The following DZIP3 variants were observed in gnomAD, a reference collection of about 807,000 sequenced individuals.
DZIP3 encodes E3 ubiquitin-protein ligase DZIP3.
DZIP3 carries 118 observed loss-of-function variants against 162.0 expected under a neutral mutation model. That is an observed-to-expected ratio of 0.73 (90% confidence interval 0.63 to 0.85). The LOEUF is 0.85. DZIP3 is among the 40% of genes least tolerant of loss of function. The pLI, the probability that DZIP3 is intolerant of heterozygous loss-of-function variation, is 0.00. For missense variants in DZIP3, 1,331 were observed against 1,407.0 expected, an observed-to-expected ratio of 0.95 and a Z score of 0.86; for synonymous variants, 438 against 458.6, an observed-to-expected ratio of 0.96 and a Z score of 0.57.
intron 1 of DZIP3, among the ~76,000 whole-genome samples, chr3:108,598,243 T>C (rs1417215418): frequency 2.0e-5 from 3 of 152,128 alleles, no homozygotes; most frequent in Admixed American, 6.6e-5. Context: ...AGAATTGCAG[T>C]TGGTAAAATT....
At chr3:108,643,691 A>T (rs574798234) in intron 13 of DZIP3, among the ~76,000 whole-genome samples, 1 of 151,996 alleles carries the variant, frequency 6.6e-6, no homozygotes, top group South Asian at 2.1e-4. Flanking sequence ...TAGTCACCCA[A>T]ACCGCATTTC....
At chr3:108,659,930 AG>A (rs1943341041) in intron 19 of DZIP3, among the ~76,000 whole-genome samples, 1 of 152,050 alleles carries the variant, frequency 6.6e-6, no homozygotes, top group South Asian at 2.1e-4. Flanking sequence ...CCAACTTACA[AG>A]GGATGTGAAG....
chr3:108,589,668 AGAAATCTC>A (rs1457895723), upstream of DZIP3: 1 of 287,578 alleles, frequency 3.5e-6, no homozygotes, highest in Non-Finnish European at 6.6e-6. Flanking sequence ...CGTGAAGGCG[AGAAATCTC>A]GCGATTTCTC....
At position 108,624,428 on chromosome 3, in the gene DZIP3, AT is replaced by A. The variant is rs752693091; in HGVS notation, c.376-9del. On this transcript the variant is annotated splice_polypyrimidine_tract_variant and intron_variant, in intron 5 of 32. Coordinates refer to ENST00000361582, the MANE Select transcript of DZIP3 (RefSeq NM_014648.4). ...CTTAGTCTAAATAACCAATTAACAT[AT>A]TTTTTTCTTTGTAGGCACACCAGAT... 1.2e-5 allele frequency: 17 copies of A among 1,468,126 alleles called. No homozygotes were observed. In the South Asian group the frequency reaches 1.5e-4, roughly 13 times the overall value. The allele number at this position is 1,468,126 out of a possible 1,614,324, so 90.9% of individuals were successfully genotyped here.
At chr3:108,655,509 G>C (rs1943066972) in intron 19 of DZIP3, among the ~76,000 whole-genome samples, 1 of 152,102 alleles carries the variant, frequency 6.6e-6, no homozygotes, top group South Asian at 2.1e-4. Flanking sequence ...GAAATGGTAA[G>C]TGGGGGGTGG....
chr3:108,688,483 A>T (rs968277572), intron 29 of DZIP3, 110 bp from the exon 30 acceptor site: 3 of 1,222,626 alleles, frequency 2.5e-6, no homozygotes, highest in African/African-American at 1.5e-5. Context: ...CACAAATCTG[A>T]TTATTTACCC....
chr3:108,642,665 G>A, intron 13 of DZIP3, 151 bp downstream of exon 13: 3 of 837,550 alleles, frequency 3.6e-6, no homozygotes, highest in South Asian at 2.0e-5. Context: ...CTTGGTGTAG[G>A]CTGGAAATCA....
In DZIP3 at chr3:108,642,479, T is replaced by C. The variant is rs200608105; in HGVS notation, c.1106T>C (p.Ile369Thr). The C allele has an allele frequency of 1.9e-5, 28 of 1,487,012 alleles. No homozygotes were observed. The highest frequency in any genetic ancestry group is 1.2e-4 in the Admixed American group (6 of 50,710). The allele number at this position is 1,487,012 out of a possible 1,614,324, so 92.1% of individuals were successfully genotyped here. Residue 369 changes from isoleucine (I) to threonine (T), a missense_variant, in exon 13 of 33, where the codon ATA (isoleucine) becomes ACA (threonine). By Grantham distance (89) the Ile-to-Thr change is moderately conservative. Transcript: ENST00000361582. Reference protein sequence around the residue: ...LISLKITDTDIRPKISLKFNT... With the variant: ...LISLKITDTDTRPKISLKFNT... ...TCTCTGAAAATAACTGATACTGATA[T>C]AAGACCGAAGATCAGTTTAAAATTT...
At chr3:108,615,176 G>GA (rs1430751118) in intron 4 of DZIP3, among the ~76,000 whole-genome samples, 5 of 152,198 alleles carry the variant, frequency 3.3e-5, no homozygotes, top group African/African-American at 7.2e-5. Context: ...GCTCTCCAGA[G>GA]ATTGCCTTTC....
chr3:108,594,926 A>G (rs1050375549), intron 1 of DZIP3, among the ~76,000 whole-genome samples: 1 of 152,234 alleles, frequency 6.6e-6, no homozygotes, highest in Non-Finnish European at 1.5e-5. Context: ...ACAGTAGCTA[A>G]AGTAAACATC....
At chr3:108,615,535 GTATC>G (rs1353217326) in intron 4 of DZIP3, among the ~76,000 whole-genome samples, 3 of 152,124 alleles carry the variant, frequency 2.0e-5, no homozygotes, top group Non-Finnish European at 1.5e-5. Flanking sequence ...CTGAAATAAA[GTATC>G]TAGTCAGCTA....
At chr3:108,660,657 G>A (rs1943378108) in intron 19 of DZIP3, among the ~76,000 whole-genome samples, 1 of 152,112 alleles carries the variant, frequency 6.6e-6, no homozygotes, top group African/African-American at 2.4e-5. Context: ...TTAAACTAAA[G>A]AGCTTCTGCA....
chr3:108,619,280 ATGTGTGTGGGTATATGTGTGTATGTG>A (rs1482956349), intron 5 of DZIP3, among the ~76,000 whole-genome samples: 4 of 149,018 alleles, frequency 2.7e-5, no homozygotes, highest in Non-Finnish European at 5.9e-5. Flanking sequence ...GTGTGTGTGT[ATGTGTGTGGGTATATGTGTGTATGTG>A]TGTGTGTGTG....
At position 108,693,837 on chromosome 3, in the gene DZIP3, G is replaced by C. The variant is rs913683776; in HGVS notation, c.*484G>C. The C allele has an allele frequency of 2.6e-5, 4 of 152,054 alleles. No homozygotes were observed. Among genetic ancestry groups the C allele is most frequent in the African/African-American group, 9.7e-5 (4 of 41,414 alleles). The allele number at this position is 152,054 out of a possible 1,614,324, so 9.4% of individuals were successfully genotyped here. A position where few individuals can be genotyped will look rare whatever the true frequency, so the allele number is the denominator to read the frequency against. On this transcript the variant is annotated 3_prime_UTR_variant, in exon 33 of 33. Coordinates refer to ENST00000361582, the MANE Select transcript of DZIP3 (RefSeq NM_014648.4). Reference sequence around the variant, plus strand: ...TCTGTAATTTCAGTTTTTGTGTCGGGGAGAGGGAAAAACTATTTGTCTGTA... The same window carrying C: ...TCTGTAATTTCAGTTTTTGTGTCGGCGAGAGGGAAAAACTATTTGTCTGTA...
chr3:108,662,540 C>CT (rs1943486565), intron 21 of DZIP3, among the ~76,000 whole-genome samples: 1 of 152,252 alleles, frequency 6.6e-6, no homozygotes, highest in South Asian at 2.1e-4. Flanking sequence ...GGTCATGACT[C>CT]TAATTTGTAA....
chr3:108,658,012 G>A (rs1943222088), intron 19 of DZIP3, among the ~76,000 whole-genome samples: 2 of 151,148 alleles, frequency 1.3e-5, no homozygotes. Context: ...GACCTACAAA[G>A]AGACTTAGAC....
intron 8 of DZIP3, among the ~76,000 whole-genome samples, chr3:108,631,499 C>G (rs1941883667): frequency 6.6e-6 from 1 of 151,432 alleles, no homozygotes; most frequent in South Asian, 2.1e-4. Context: ...CCTTCAGCCT[C>G]CCAAGTAGCT....
chr3:108,596,366 G>T (rs938883724), intron 1 of DZIP3, among the ~76,000 whole-genome samples: 21 of 152,330 alleles, frequency 1.4e-4, no homozygotes, highest in African/African-American at 5.1e-4. Context: ...TAAAGGAGCG[G>T]TCAGGGTTGG....
chr3:108,654,710 A>T (rs529894565), intron 19 of DZIP3, among the ~76,000 whole-genome samples: 1 of 152,272 alleles, frequency 6.6e-6, no homozygotes, highest in South Asian at 2.1e-4. Flanking sequence ...GATTGTTACC[A>T]TAAAATGTCT....
Sources: gnomAD v4.1 joint callset for allele counts (sites outside exome capture counted in the v4.1 genomes callset) on GRCh38, gnomAD v4.1.1 for gene constraint, MANE v1.5 for transcripts, NCBI Gene and HGNC (gene_info 2026-07-23, HGNC 2026-07-21) for gene names.